The following EIF4ENIF1 variants were observed in gnomAD, a reference collection of about 807,000 sequenced individuals.
EIF4ENIF1 encodes the protein eukaryotic translation initiation factor 4E transporter.
In EIF4ENIF1, 23 loss-of-function variants were observed where a neutral mutation model predicts 110.5. That is an observed-to-expected ratio of 0.21 (90% CI 0.15 to 0.29). EIF4ENIF1 has a LOEUF of 0.29. EIF4ENIF1 is among the 10% of genes least tolerant of loss of function. The pLI, the probability that EIF4ENIF1 is intolerant of heterozygous loss-of-function variation, is 1.00. For missense variants in EIF4ENIF1, 1,031 were observed against 1,221.1 expected (o/e 0.84, Z 2.32); for synonymous variants, 440 against 437.0 (o/e 1.01, Z -0.09).
intron 2 of EIF4ENIF1, among the ~76,000 whole-genome samples, chr22:31,475,334 G>A (rs1333490309): frequency 6.6e-6 from 1 of 152,228 alleles, no homozygotes; most frequent in Non-Finnish European, 1.5e-5. Context: ...GCCAGGTCCA[G>A]TGGCTCACAT....
intron 4 of EIF4ENIF1, among the ~76,000 whole-genome samples, chr22:31,467,453 T>C (rs186308325): frequency 1.1e-3 from 167 of 152,312 alleles, no homozygotes; most frequent in African/African-American, 3.9e-3. Context: ...ACTAGGAAAG[T>C]TGGAAGATCA....
At chr22:31,493,083 G>C (rs1319788159), upstream of EIF4ENIF1, among the ~76,000 whole-genome samples, 1 of 151,226 alleles carries the variant, frequency 6.6e-6, no homozygotes, top group Non-Finnish European at 1.5e-5. Flanking sequence ...GTCCAGGCTG[G>C]AGTGCAGTAG....
At chr22:31,438,462 G>A (rs904180682), downstream of EIF4ENIF1, among the ~76,000 whole-genome samples, 1 of 152,176 alleles carries the variant, frequency 6.6e-6, no homozygotes, top group Non-Finnish European at 1.5e-5. Flanking sequence ...TCTAAGCTCA[G>A]AACTCTGAGC....
chr22:31,442,882 A>T (rs1026619404), intron 16 of EIF4ENIF1, 80 bp downstream of exon 16: 8 of 1,558,610 alleles, frequency 5.1e-6, no homozygotes, highest in Non-Finnish European at 5.2e-6. Context: ...TGTATAGAAT[A>T]TCAGGCTGGT....
At chr22:31,481,204 C>T (rs1426496452) in intron 2 of EIF4ENIF1, among the ~76,000 whole-genome samples, 1 of 152,090 alleles carries the variant, frequency 6.6e-6, no homozygotes, top group Admixed American at 6.6e-5. Flanking sequence ...ACTCTGTTGC[C>T]CATGCTGGAG....
At chr22:31,471,141 G>GTCT (rs1569095706) in intron 3 of EIF4ENIF1, among the ~76,000 whole-genome samples, 1 of 151,914 alleles carries the variant, frequency 6.6e-6, no homozygotes, top group Non-Finnish European at 1.5e-5. Flanking sequence ...TTCTTCTGAG[G>GTCT]GAAACTAGGA....
intron 2 of EIF4ENIF1, among the ~76,000 whole-genome samples, chr22:31,487,793 CA>C (rs35367724): frequency 0.27 from 18,990 of 69,068 alleles, 1,351 homozygotes; most frequent in East Asian, 0.68. Context: ...CTGTCGGGTG[CA>C]AAAAAAAAAA....
intron 11 of EIF4ENIF1, 77 bp from the exon 12 acceptor site, chr22:31,449,608 T>G: frequency 7.2e-7 from 1 of 1,383,104 alleles, no homozygotes; most frequent in South Asian, 1.4e-5. Context: ...GGATTAACTT[T>G]TGAGAGCCAC....
At position 31,455,163 on chromosome 22, in the gene EIF4ENIF1, C is replaced by A. The variant is rs2050777005; in HGVS notation, c.1252G>T (p.Ala418Ser). ...DLKPLLSSLSANKEKLKESSH... is the reference protein window; with the variant it reads ...DLKPLLSSLSSNKEKLKESSH... ...CTTTCTTTAAGTTTTTCTTTATTTG[C>A]AGAAAGGCTGGAAAGAAGAGGTTTC... The change falls in exon 9 of 19, where the codon GCA becomes TCA. Residue 418 changes from alanine (A) to serine (S), a missense_variant. Physicochemically the swap from Ala to Ser is moderately conservative, Grantham distance 99. This residue lies in a region of EIF4ENIF1 where 704 missense variants were observed against 879.7 expected (regional missense o/e 0.80). Coordinates refer to ENST00000330125, the MANE Select transcript of EIF4ENIF1 (RefSeq NM_019843.4). 6.2e-7 allele frequency: 1 copy of A among 1,611,056 alleles called. No homozygotes were observed. The highest frequency in any genetic ancestry group is 1.1e-5 in the South Asian group (1 of 90,466).
intron 6 of EIF4ENIF1, among the ~76,000 whole-genome samples, chr22:31,460,599 A>G (rs2145975371): frequency 6.6e-6 from 1 of 151,854 alleles, no homozygotes; most frequent in South Asian, 2.1e-4. Context: ...ACTGCACTCC[A>G]GCCTGGGTGA....
intron 2 of EIF4ENIF1, among the ~76,000 whole-genome samples, chr22:31,482,455 G>A (rs1483311693): frequency 1.3e-5 from 2 of 152,170 alleles, no homozygotes; most frequent in Admixed American, 6.5e-5. Context: ...GCCACGGCAG[G>A]TGGATCACTT....
intron 4 of EIF4ENIF1, among the ~76,000 whole-genome samples, chr22:31,465,719 A>C (rs900843065): frequency 6.6e-6 from 1 of 152,204 alleles, no homozygotes; most frequent in Non-Finnish European, 1.5e-5. Flanking sequence ...CTTGTACATG[A>C]ATGTTCATTG....
Position 31,448,025 on chromosome 22 carries a change from G to A in EIF4ENIF1, c.1848+128C>T, listed in dbSNP as rs942898140. ...CCACCTCCCAAAGTGCTGGGATTAC[G>A]GGCATGAGCCACTATGCCTGGCCTC... On this transcript the variant is annotated intron_variant, in intron 13 of 18. Transcript: ENST00000330125. 489 of 999,752 alleles carry A rather than the reference G, an allele frequency of 4.9e-4. 1 individual carries two copies. The highest frequency in any genetic ancestry group is 1.1e-3 in the South Asian group (78 of 69,444). The allele number at this position is 999,752 out of a possible 1,614,324, so 61.9% of individuals were successfully genotyped here. A position where few individuals can be genotyped will look rare whatever the true frequency, so the allele number is the denominator to read the frequency against.
chr22:31,441,781 G>C lies in EIF4ENIF1; in HGVS notation c.2544C>G (p.Leu848=), dbSNP rs368924460. Residue 848 remains leucine, a synonymous_variant, in exon 17 of 19, where the codon CTC becomes CTG. Transcript: ENST00000330125. ...GTCAGGCTGGAAACTCACCAGTTTG[G>C]AGCAAACTTGGAAGATGCTGTGGAT... ...GVHPQHLPSL[L]QTGVLPPGMD... 148 of 1,609,498 alleles carry C rather than the reference G, an allele frequency of 9.2e-5. No homozygotes were observed. Among genetic ancestry groups the C allele is most frequent in the South Asian group, 2.2e-5 (2 of 90,802 alleles).
At chr22:31,442,718 C>T (rs1241212501) in intron 16 of EIF4ENIF1, among the ~76,000 whole-genome samples, 2 of 152,196 alleles carry the variant, frequency 1.3e-5, no homozygotes, top group African/African-American at 4.8e-5. Context: ...AACTAACACT[C>T]ATTCTACCCG....
chr22:31,448,511 G>T (rs1164083182), intron 12 of EIF4ENIF1, among the ~76,000 whole-genome samples: 1 of 152,188 alleles, frequency 6.6e-6, no homozygotes, highest in Non-Finnish European at 1.5e-5. Context: ...CCAGCAGTTT[G>T]TCCCGTTATC....
chr22:31,486,599 C>T (rs2052038848), intron 2 of EIF4ENIF1, among the ~76,000 whole-genome samples: 2 of 150,028 alleles, frequency 1.3e-5, no homozygotes, highest in Admixed American at 6.6e-5. Context: ...GCCAACATGG[C>T]AAGATCCCGT....
chr22:31,464,726 A>ATATATATATATATT lies in EIF4ENIF1; in HGVS notation c.299-760_299-759insAATATATATATATA, dbSNP rs796108181. ...TATATATATATATATATATATATAT[A>ATATATATATATATT]AACAGATATATACAAAAATTAATTC... is the stretch of plus-strand genomic sequence containing the variant. On this transcript the variant is annotated intron_variant, in intron 4 of 18. Transcript: ENST00000330125. 4.5e-3 allele frequency among the ~76,000 whole-genome samples: 255 copies of ATATATATATATATT among 57,080 alleles called. 16 individuals carry two copies. The highest frequency in any genetic ancestry group is 7.7e-3 in the African/African-American group (103 of 13,384). 37.4% of individuals were successfully genotyped at this position (57,080 alleles called of 152,430 possible). A position where few individuals can be genotyped will look rare whatever the true frequency, so the allele number is the denominator to read the frequency against.
At chr22:31,484,453 G>A (rs1045679785) in intron 2 of EIF4ENIF1, among the ~76,000 whole-genome samples, 1 of 152,004 alleles carries the variant, frequency 6.6e-6, no homozygotes, top group Non-Finnish European at 1.5e-5. Flanking sequence ...CAATGGTTAA[G>A]GGGCCCTCTC....
Sources: gnomAD v4.1 joint callset for allele counts (sites outside exome capture counted in the v4.1 genomes callset) on GRCh38, gnomAD v4.1.1 for gene constraint, gnomAD v4.1.1 regional missense constraint, MANE v1.5 for transcripts, NCBI Gene and HGNC (gene_info 2026-07-23, HGNC 2026-07-21) for gene names.